The following ZFP64 variants were observed in gnomAD, a reference collection of about 807,000 sequenced individuals.
The protein encoded by ZFP64 is zinc finger protein 64.
A neutral mutation model predicts 51.6 loss-of-function variants in ZFP64; 14 were observed. The observed-to-expected ratio is 0.27, with a 90% confidence interval of 0.18 to 0.42. The LOEUF is 0.42. Ranked by LOEUF, ZFP64 falls within the 10% of genes least tolerant of loss-of-function variation. The probability of loss-of-function intolerance (pLI) is 1.00; values close to 1 mark genes in which losing one functional copy is unlikely to be tolerated. For missense variants in ZFP64, 754 were observed against 906.8 expected, an observed-to-expected ratio of 0.83 and a Z score of 2.16; for synonymous variants, 375 against 361.4, an observed-to-expected ratio of 1.04 and a Z score of -0.43.
At position 52,151,784 on chromosome 20, in the gene ZFP64, G is replaced by A. The variant is rs1022378909; in HGVS notation, c.*362C>T. On this transcript the variant is annotated 3_prime_UTR_variant, in exon 6 of 6. Coordinates refer to ENST00000216923, the MANE Select transcript of ZFP64 (RefSeq NM_018197.3). ...GAGCAAACCACGGCCAGGCATGGTG[G>A]CTCACACCTGTAATCCCAGCACTTT... The A allele has an allele frequency of 1.9e-5, 20 of 1,044,954 alleles. No homozygotes were observed. The highest frequency in any genetic ancestry group is 2.3e-5 in the Non-Finnish European group (20 of 866,090). 64.7% of individuals were successfully genotyped at this position (1,044,954 alleles called of 1,614,324 possible). A position where few individuals can be genotyped will look rare whatever the true frequency, so the allele number is the denominator to read the frequency against.
At chr20:52,120,631 T>C (rs890220998) in intron 5 of ZFP64, among the ~76,000 whole-genome samples, 6 of 143,426 alleles carry the variant, frequency 4.2e-5, no homozygotes, top group African/African-American at 1.8e-4. Flanking sequence ...ATTTCAAACT[T>C]TATCATTTAT....
At position 52,098,070 on chromosome 20, in the gene ZFP64, T is replaced by G. The variant is rs541453189; in HGVS notation, c.913+368A>C. On this transcript the variant is annotated intron_variant, in intron 6 of 8. Transcript: ENST00000361387. The stretch of plus-strand genomic sequence containing the variant: ...AACAGAGCAAGACCTTGTCTTGGGA[T>G]GCTGAGGCAGGAGAATTGCTAGAAC... Among the ~76,000 whole-genome samples the G allele has an allele frequency of 4.0e-5, 6 of 149,930 alleles. No individual in the cohort carries two copies. In the South Asian group the frequency reaches 1.1e-3, roughly 27 times the overall value.
At chr20:52,142,145 T>C (rs375324499) in intron 5 of ZFP64, among the ~76,000 whole-genome samples, 10 of 152,178 alleles carry the variant, frequency 6.6e-5, no homozygotes, top group East Asian at 5.8e-4. Context: ...GGTTTGCGGA[T>C]GACCTGAGGT....
chr20:52,127,335 G>T (rs1036619043), intron 5 of ZFP64, among the ~76,000 whole-genome samples: 1 of 151,894 alleles, frequency 6.6e-6, no homozygotes, highest in Non-Finnish European at 1.5e-5. Flanking sequence ...AAGTGATATG[G>T]TTAGGCTTTG....
chr20:52,180,366 T>A (rs1983528754), intron 2 of ZFP64, among the ~76,000 whole-genome samples: 1 of 152,178 alleles, frequency 6.6e-6, no homozygotes. Flanking sequence ...TCACTGCCCT[T>A]GGAATTGCAT....
intron 5 of ZFP64, among the ~76,000 whole-genome samples, chr20:52,135,271 C>T (rs559415834): frequency 7.8e-4 from 119 of 152,256 alleles, no homozygotes; most frequent in African/African-American, 2.4e-3. Context: ...GGAATTTTAT[C>T]GAAGCACAGC....
chr20:52,173,797 C>T lies in ZFP64; in HGVS notation c.287-7772G>A, dbSNP rs62215764. Among the ~76,000 whole-genome samples, 635 of 152,036 alleles carry T rather than the reference C, an allele frequency of 4.2e-3. 3 individuals are homozygous for T. The highest frequency in any genetic ancestry group is 7.1e-3 in the Non-Finnish European group (485 of 67,962). ...CTGAGTGGCTGGGACTAAAGGTGTG[C>T]GCCACCATGCCTGGCTAATTTTTGT... On this transcript the variant is annotated intron_variant, in intron 2 of 5. Transcript: ENST00000216923.
At position 52,085,340 on chromosome 20, in the gene ZFP64, C is replaced by T. The variant is rs2078853233; in HGVS notation, c.1229-74G>A. The T allele has an allele frequency of 6.9e-7, 1 of 1,448,114 alleles. No individual in the cohort carries two copies. Among genetic ancestry groups the T allele is most frequent in the African/African-American group, 1.4e-5 (1 of 70,714 alleles). 89.7% of individuals were successfully genotyped at this position (1,448,114 alleles called of 1,614,324 possible). A position where few individuals can be genotyped will look rare whatever the true frequency, so the allele number is the denominator to read the frequency against. On this transcript the variant is annotated intron_variant, in intron 8 of 8. Coordinates refer to the ZFP64 transcript ENST00000361387. The surrounding 1 kb of genome is among the most constrained non-coding windows in gnomAD (Gnocchi z 4.3). ...CCTCCCACCCCAACCTGCCTTAGCA[C>T]ACTTGGCCGCCATGAGATGGTTGGG...
At chr20:52,087,159 CCT>C (rs1463582687) in intron 8 of ZFP64, among the ~76,000 whole-genome samples, 1 of 152,158 alleles carries the variant, frequency 6.6e-6, no homozygotes, top group Non-Finnish European at 1.5e-5. Context: ...ATAGATGTCC[CCT>C]GTCCACTCCC....
At chr20:52,181,217 C>T (rs1232480454) in intron 2 of ZFP64, among the ~76,000 whole-genome samples, 2 of 152,168 alleles carry the variant, frequency 1.3e-5, no homozygotes, top group East Asian at 3.8e-4. Context: ...GTTGGGATTA[C>T]AGGCACGAGC....
intron 5 of ZFP64, among the ~76,000 whole-genome samples, chr20:52,103,338 G>A (rs1191425997): frequency 6.6e-6 from 1 of 152,152 alleles, no homozygotes; most frequent in Non-Finnish European, 1.5e-5. Flanking sequence ...AATTAAGAGT[G>A]GCCCAACCTT....
In ZFP64 at chr20:52,151,982, A is replaced by G. The variant is rs1980837802; in HGVS notation, c.*164T>C. 4 of 1,385,164 alleles carry G rather than the reference A, an allele frequency of 2.9e-6. No homozygotes were observed. The highest frequency in any genetic ancestry group is 3.1e-5 in the South Asian group (2 of 64,822). 85.8% of individuals were successfully genotyped at this position (1,385,164 alleles called of 1,614,324 possible). ...AACCTGGGAGGCGGACGTTGCAGTGAGCCAAGATAGCGCCACTGCACTCCA... is the reference window on the plus strand; with the variant it reads ...AACCTGGGAGGCGGACGTTGCAGTGGGCCAAGATAGCGCCACTGCACTCCA... On this transcript the variant is annotated 3_prime_UTR_variant, in exon 6 of 6. Coordinates refer to ENST00000216923, the MANE Select transcript of ZFP64 (RefSeq NM_018197.3).
intron 5 of ZFP64, among the ~76,000 whole-genome samples, chr20:52,131,491 T>C (rs1979720588): frequency 6.6e-6 from 1 of 152,046 alleles, no homozygotes; most frequent in Non-Finnish European, 1.5e-5. Flanking sequence ...ACACTTCCCC[T>C]AAACACACAT....
intron 2 of ZFP64, among the ~76,000 whole-genome samples, chr20:52,182,628 A>C (rs1983692068): frequency 6.6e-6 from 1 of 152,178 alleles, no homozygotes; most frequent in African/African-American, 2.4e-5. Flanking sequence ...CTGAGGTGGG[A>C]GGATTGCTTG....
At chr20:52,110,203 C>T (rs1230279189) in intron 5 of ZFP64, 1 of 235,446 alleles carries the variant, frequency 4.2e-6, no homozygotes, top group Non-Finnish European at 8.1e-6. Flanking sequence ...CATCAACGTC[C>T]AGGCATACTC....
At chr20:52,099,388 C>T (rs1409412813) in intron 5 of ZFP64, among the ~76,000 whole-genome samples, 3 of 151,780 alleles carry the variant, frequency 2.0e-5, no homozygotes, top group Non-Finnish European at 4.4e-5. Flanking sequence ...AGCAAAAGGT[C>T]ACAGACCACA....
At chr20:52,135,089 C>T (rs1267977034) in intron 5 of ZFP64, among the ~76,000 whole-genome samples, 1 of 152,006 alleles carries the variant, frequency 6.6e-6, no homozygotes, top group Non-Finnish European at 1.5e-5. Context: ...GTCTCGAACT[C>T]CTGACCTCAA....
At chr20:52,084,315 C>G (rs977638351) in exon 9 of ZFP64, 12 of 521,704 alleles carry the variant, frequency 2.3e-5, no homozygotes, top group African/African-American at 2.3e-4. Context: ...TTTGAATGAA[C>G]AAGTCGACTT....
rs776947194 is a variant in ZFP64, at chr20:52,153,079, G to C, written c.1113C>G (p.Phe371Leu). 3 of 1,614,202 alleles carry C rather than the reference G, an allele frequency of 1.9e-6. No homozygotes were observed. The highest frequency in any genetic ancestry group is 1.7e-5 in the Admixed American group (1 of 60,026). The change falls in exon 6 of 6, where the codon TTC (phenylalanine) becomes TTG (leucine). Residue 371 changes from phenylalanine to leucine, a missense_variant. Around this residue, in one of 3 missense-constraint regions of ZFP64, gnomAD observed 428 missense variants for 472.4 expected, o/e 0.91. Coordinates refer to ENST00000216923, the MANE Select transcript of ZFP64 (RefSeq NM_018197.3). The surrounding 1 kb of genome is among the most constrained non-coding windows in gnomAD (Gnocchi z 5.1). ...TGTCGAAGCTGCAGTAGTTGCACTT[G>C]AAAGGGCGGTCGGTGCAGTGGATAC... ...HERIHCTDRP[F>L]KCNYCSFDTK...
Sources: gnomAD v4.1 joint callset for allele counts (sites outside exome capture counted in the v4.1 genomes callset) on GRCh38, gnomAD v4.1.1 for gene constraint, gnomAD v4.1.1 regional missense constraint, Gnocchi (gnomAD v3.1) non-coding constraint, MANE v1.5 for transcripts, NCBI Gene and HGNC (gene_info 2026-07-23, HGNC 2026-07-21) for gene names.